STX5: variants seen among roughly 807,000 people sequenced by gnomAD.
The protein encoded by STX5 is syntaxin-5.
STX5 carries 15 observed loss-of-function variants against 42.9 expected under a neutral mutation model. The ratio of observed to expected loss-of-function variants is 0.35; its 90% CI spans 0.23 to 0.54. The LOEUF (loss-of-function observed/expected upper bound fraction) is 0.54. STX5 is among the 20% of genes least tolerant of loss of function. The pLI is 0.91. For synonymous variants in STX5, 184 were observed against 173.2 expected (o/e 1.06, Z -0.49); for missense variants, 430 against 455.0 (o/e 0.95, Z 0.50).
chr11:62,831,949 C>G lies in STX5; in HGVS notation c.-20+5G>C, dbSNP rs1176053375. On this transcript the variant is annotated splice_donor_5th_base_variant and intron_variant, in intron 1 of 10. Coordinates refer to ENST00000294179, the MANE Select transcript of STX5 (RefSeq NM_003164.5). ...GGCCAGATCCCCTCTTAAAGCGAAT[C>G]TTACCTCCCCTCTGCCGCCTGCCGC... 6.5e-6 allele frequency: 3 copies of G among 459,562 alleles called. No individual in the cohort carries two copies. Among genetic ancestry groups the G allele is most frequent in the East Asian group, 6.9e-5 (1 of 14,490 alleles). The allele number at this position is 459,562 out of a possible 1,614,324, so 28.5% of individuals were successfully genotyped here.
chr11:62,815,592 A>G (rs567754694), intron 10 of STX5, among the ~76,000 whole-genome samples: 1 of 150,732 alleles, frequency 6.6e-6, no homozygotes, highest in South Asian at 2.1e-4. Flanking sequence ...GCTGGAGTGC[A>G]GTGGCACAAT....
chr11:62,827,535 C>T (rs750443318), intron 3 of STX5, 26 bp downstream of exon 3: 31 of 1,614,084 alleles, frequency 1.9e-5, no homozygotes, highest in Non-Finnish European at 2.6e-5. Flanking sequence ...CTGTATCACC[C>T]CACCAGAAAG....
In STX5 at chr11:62,825,095, C is replaced by T. The variant is rs752571921; in HGVS notation, c.620G>A (p.Arg207Gln). 2.5e-6 allele frequency: 4 copies of T among 1,613,446 alleles called. No homozygotes were observed. The African/African-American group carries it at 4.0e-5, about 16-fold the overall frequency. The part of the protein sequence containing the change: ...RTENLKQQRS[R>Q]REQFSRAPVS... ...AGGTGCCCGGGAGAACTGCTCTCTC[C>T]GGCTCCTCTGCTGCTTCAGGTTCTG... The change falls in exon 8 of 11, where the codon CGG (arginine) becomes CAG (glutamine). Residue 207 changes from arginine to glutamine, a missense_variant. Arg to Gln is a conservative substitution (Grantham distance 43). Coordinates refer to ENST00000294179, the MANE Select transcript of STX5 (RefSeq NM_003164.5).
At chr11:62,812,767 T>C (rs2134813608) in intron 10 of STX5, among the ~76,000 whole-genome samples, 1 of 151,810 alleles carries the variant, frequency 6.6e-6, no homozygotes, top group South Asian at 2.1e-4. Flanking sequence ...GGAGCTATGG[T>C]GTTTATGGCA....
chr11:62,809,113 A>C (rs11231225), intron 10 of STX5, among the ~76,000 whole-genome samples: 12,764 of 150,752 alleles, frequency 0.085, 656 homozygotes, highest in East Asian at 0.15. Flanking sequence ...ATGGTGAAAC[A>C]CTGTCTCTAC....
At position 62,827,638 on chromosome 11, in the gene STX5, A is replaced by T. The variant is rs2084811629; in HGVS notation, c.226-7T>A. 3.7e-6 allele frequency: 6 copies of T among 1,614,054 alleles called. No homozygotes were observed. The highest frequency in any genetic ancestry group is 4.2e-6 in the Non-Finnish European group (5 of 1,180,040). ...TATTTGTCTGGATTCCATTCTGAAAAGCAATGGCAGGAGGTGACAACTTTA... is the reference window on the plus strand; with the variant it reads ...TATTTGTCTGGATTCCATTCTGAAATGCAATGGCAGGAGGTGACAACTTTA... On this transcript the variant is annotated splice_polypyrimidine_tract_variant and splice_region_variant and intron_variant, in intron 2 of 10. Transcript: ENST00000294179.
chr11:62,810,433 C>T (rs1251396074), intron 10 of STX5, among the ~76,000 whole-genome samples: 1 of 151,926 alleles, frequency 6.6e-6, no homozygotes, highest in Admixed American at 6.6e-5. Flanking sequence ...CAGAGTGTCA[C>T]CTTGTCTCAA....
intron 10 of STX5, among the ~76,000 whole-genome samples, chr11:62,810,353 G>T (rs559268592): frequency 1.3e-5 from 2 of 152,016 alleles, no homozygotes; most frequent in Non-Finnish European, 2.9e-5. Context: ...GAGGTGGGGG[G>T]ATCACTTGTG....
At chr11:62,825,195 C>G in intron 7 of STX5, 78 bp from the exon 8 acceptor site, 12 of 1,611,462 alleles carry the variant, frequency 7.4e-6, no homozygotes, top group Non-Finnish European at 1.0e-5. Flanking sequence ...CCATTGGCCC[C>G]ATGACCCTGT....
chr11:62,826,720 G>A (rs1475153828), intron 5 of STX5, among the ~76,000 whole-genome samples: 2 of 151,586 alleles, frequency 1.3e-5, no homozygotes, highest in Non-Finnish European at 2.9e-5. Context: ...CTCTACTAAA[G>A]ATAAAACAAT....
intron 9 of STX5, 48 bp downstream of exon 9, chr11:62,824,411 C>T (rs182243725): frequency 3.7e-6 from 6 of 1,613,476 alleles, no homozygotes; most frequent in Non-Finnish European, 5.1e-6. Context: ...TCGGGAACCA[C>T]AGAGGATAAT....
rs1209460759 is a variant in STX5, at chr11:62,824,228, C to G, written c.846G>C (p.Glu282Asp). Residue 282 changes from glutamate to aspartate, a missense_variant, in exon 10 of 11, where the codon GAG becomes GAC. Transcript: ENST00000294179. ...CCAACTGCTGAAAGATGGAGCCCAA[C>G]TCAACAATTGTCGACTCAATGTTCT... ...TMQNIESTIV[E>D]LGSIFQQLAH... The G allele has an allele frequency of 6.8e-6, 11 of 1,614,106 alleles. No individual in the cohort carries two copies. The highest frequency in any genetic ancestry group is 9.3e-6 in the Non-Finnish European group (11 of 1,180,056).
chr11:62,809,531 AGGCGTGGTGGCG>A (rs2084591983), intron 10 of STX5, among the ~76,000 whole-genome samples: 1 of 142,742 alleles, frequency 7.0e-6, no homozygotes, highest in African/African-American at 2.6e-5. Flanking sequence ...AAAATTAGCC[AGGCGTGGTGGCG>A]GGCGCCTGTA....
At chr11:62,824,627 G>T in intron 8 of STX5, 62 bp from the exon 9 acceptor site, 1 of 1,522,116 alleles carries the variant, frequency 6.6e-7, no homozygotes, top group South Asian at 1.1e-5. Flanking sequence ...AAGCCCACAT[G>T]CTCTGGGTTT....
intron 10 of STX5, among the ~76,000 whole-genome samples, chr11:62,815,107 A>G (rs1337770426): frequency 1.3e-5 from 2 of 151,874 alleles, no homozygotes; most frequent in East Asian, 1.9e-4. Flanking sequence ...TCCCAGGTTC[A>G]AGCGATTCTC....
chr11:62,813,888 G>A (rs535778955), intron 10 of STX5, among the ~76,000 whole-genome samples: 3 of 152,098 alleles, frequency 2.0e-5, no homozygotes, highest in East Asian at 1.9e-4. Context: ...TTTATGCCCC[G>A]GAGCCCACTT....
chr11:62,814,732 T>C (rs146854178), intron 10 of STX5, among the ~76,000 whole-genome samples: 21 of 151,932 alleles, frequency 1.4e-4, no homozygotes, highest in African/African-American at 4.8e-4. Context: ...TTCAGGTGAT[T>C]TTCCTGCATG....
At chr11:62,810,059 G>A (rs1219572042) in intron 10 of STX5, among the ~76,000 whole-genome samples, 4 of 137,718 alleles carry the variant, frequency 2.9e-5, no homozygotes, top group African/African-American at 1.1e-4. Context: ...CTGAGATCTC[G>A]CACCACTGCA....
At position 62,827,415 on chromosome 11, in the gene STX5, G is replaced by T. The variant is rs1311966451; in HGVS notation, c.297-17C>A. ...CCAATGCGCCTGCAAATGACCACTA[G>T]TCAGACTGTGGGAAAGGGCAGGACG... On this transcript the variant is annotated splice_polypyrimidine_tract_variant and intron_variant, in intron 3 of 10. Transcript: ENST00000294179. 6.2e-7 allele frequency: 1 copy of T among 1,614,038 alleles called. No individual in the cohort carries two copies. Among genetic ancestry groups the T allele is most frequent in the Non-Finnish European group, 8.5e-7 (1 of 1,180,048 alleles).
Sources: gnomAD v4.1 joint callset for allele counts (sites outside exome capture counted in the v4.1 genomes callset) on GRCh38, gnomAD v4.1.1 for gene constraint, MANE v1.5 for transcripts, NCBI Gene and HGNC (gene_info 2026-07-23, HGNC 2026-07-21) for gene names.